The following ATP8B4 variants were observed in gnomAD, a reference collection of about 807,000 sequenced individuals.
The protein encoded by ATP8B4 is ATPase phospholipid transporting 8B4 (putative).
A neutral mutation model predicts 145.6 loss-of-function variants in ATP8B4; 133 were observed. That is an observed-to-expected ratio of 0.91 (90% CI 0.79 to 1.05). The LOEUF (loss-of-function observed/expected upper bound fraction) is 1.05, where lower values mean the gene tolerates loss of function less well. Ranked by LOEUF, ATP8B4 falls within the 50% of genes least tolerant of loss-of-function variation. The pLI is 0.00. For missense variants in ATP8B4, 1,458 were observed against 1,425.2 expected, an observed-to-expected ratio of 1.02 and a Z score of -0.37; for synonymous variants, 507 against 492.9, an observed-to-expected ratio of 1.03 and a Z score of -0.38.
chr15:50,044,005 A>G (rs1036560943), intron 5 of ATP8B4, among the ~76,000 whole-genome samples: 1 of 152,048 alleles, frequency 6.6e-6, no homozygotes. Flanking sequence ...AATATAACAT[A>G]CAAAATATGT....
intron 20 of ATP8B4, among the ~76,000 whole-genome samples, chr15:49,910,426 T>C (rs1056865520): frequency 7.9e-5 from 12 of 152,144 alleles, no homozygotes; most frequent in African/African-American, 2.9e-4. Flanking sequence ...CAAAAGCCTA[T>C]TGATGAAATA....
At chr15:50,056,504 GT>G (rs962724251) in intron 3 of ATP8B4, among the ~76,000 whole-genome samples, 10 of 152,102 alleles carry the variant, frequency 6.6e-5, no homozygotes, top group Non-Finnish European at 1.3e-4. Flanking sequence ...GATTTTCCAG[GT>G]TAATGCAGTA....
chr15:49,987,541 C>T lies in ATP8B4; in HGVS notation c.598G>A (p.Val200Ile). Residue 200 changes from valine to isoleucine, a missense_variant, in exon 10 of 28, where the codon GTC becomes ATC. Physicochemically the swap from Val to Ile is conservative, Grantham distance 29. Transcript: ENST00000284509. ...AACTTGTTGTTAGGCACCTCACAGA[C>T]AACAATCCCTGGAAAATAAAAAAAC... Reference protein sequence around the residue: ...SRLAGFDGIVVCEVPNNKLDK... With the variant: ...SRLAGFDGIVICEVPNNKLDK... 3 of 1,611,620 alleles carry T rather than the reference C, an allele frequency of 1.9e-6. No individual in the cohort carries two copies. The highest frequency in any genetic ancestry group is 2.5e-6 in the Non-Finnish European group (3 of 1,179,126).
chr15:49,921,554 T>C (rs574601092), intron 17 of ATP8B4, among the ~76,000 whole-genome samples: 6 of 152,304 alleles, frequency 3.9e-5, no homozygotes, highest in African/African-American at 7.2e-5. Context: ...CCAGTGGTCA[T>C]TTTATGGGCC....
chr15:50,093,438 A>T (rs933237216), intron 2 of ATP8B4, among the ~76,000 whole-genome samples: 7 of 152,076 alleles, frequency 4.6e-5, no homozygotes, highest in African/African-American at 1.7e-4. Context: ...TATTGTTGAT[A>T]AAGTAGTAAA....
chr15:49,940,348 G>A (rs1188195706), intron 14 of ATP8B4, among the ~76,000 whole-genome samples: 1 of 152,070 alleles, frequency 6.6e-6, no homozygotes, highest in Non-Finnish European at 1.5e-5. Context: ...TAAACATTGG[G>A]TACACATAGT....
intron 2 of ATP8B4, among the ~76,000 whole-genome samples, chr15:50,086,913 T>C (rs376081444): frequency 1.1e-5 from 1 of 94,180 alleles, no homozygotes; most frequent in Non-Finnish European, 1.9e-5. Flanking sequence ...TCTATATTAT[T>C]ATATATAATA....
intron 14 of ATP8B4, among the ~76,000 whole-genome samples, chr15:49,935,018 G>A (rs1257526369): frequency 6.7e-6 from 1 of 150,374 alleles, no homozygotes; most frequent in African/African-American, 2.5e-5. Flanking sequence ...TGATTCTAAA[G>A]TTACAAAAGC....
At chr15:49,912,406 A>G (rs2039322923) in intron 20 of ATP8B4, among the ~76,000 whole-genome samples, 2 of 152,212 alleles carry the variant, frequency 1.3e-5, no homozygotes, top group African/African-American at 4.8e-5. Flanking sequence ...ATGCTAACTA[A>G]CAGGAAAACC....
chr15:49,875,004 C>T (rs1376086356), intron 25 of ATP8B4, among the ~76,000 whole-genome samples: 2 of 152,104 alleles, frequency 1.3e-5, no homozygotes. Context: ...GATGCATGGG[C>T]ATAACAGCAG....
intron 14 of ATP8B4, 45 bp downstream of exon 14, chr15:49,961,932 T>A (rs910037847): frequency 1.4e-6 from 2 of 1,479,830 alleles, no homozygotes; most frequent in Non-Finnish European, 1.8e-6. Flanking sequence ...AAAGTACATA[T>A]AATTTGAAAT....
intron 2 of ATP8B4, among the ~76,000 whole-genome samples, chr15:50,085,335 C>T (rs78468057): frequency 1.1e-4 from 16 of 152,264 alleles, no homozygotes; most frequent in African/African-American, 3.4e-4. Context: ...TCCACTTTAA[C>T]GTTCCTTCCA....
intron 6 of ATP8B4, among the ~76,000 whole-genome samples, chr15:50,014,945 A>G (rs953605367): frequency 1.3e-5 from 2 of 152,206 alleles, no homozygotes; most frequent in Non-Finnish European, 2.9e-5. Context: ...CAGGATATTT[A>G]TTGCAGCATT....
intron 7 of ATP8B4, among the ~76,000 whole-genome samples, chr15:50,004,847 T>C (rs2048188064): frequency 6.6e-6 from 1 of 152,158 alleles, no homozygotes; most frequent in South Asian, 2.1e-4. Context: ...CAAGGATTTG[T>C]ATAGTTTAAT....
chr15:50,173,552 A>G (rs1424780541), intron 1 of ATP8B4, among the ~76,000 whole-genome samples: 3 of 152,176 alleles, frequency 2.0e-5, no homozygotes, highest in African/African-American at 4.8e-5. Context: ...GGACATAAAC[A>G]CTGCGGAAGG....
rs2153367278 is a variant in ATP8B4 at position 49,860,490 on chromosome 15, A to T, written c.3298-15T>A. On this transcript the variant is annotated splice_polypyrimidine_tract_variant and intron_variant, in intron 27 of 27. Coordinates refer to ENST00000284509, the MANE Select transcript of ATP8B4 (RefSeq NM_024837.4). ...CACCGGCGGATCTGGAGAGAAACAG[A>T]CCCAAAGTGAGATGATGCATCCAAA... is the stretch of plus-strand genomic sequence containing the variant. 1.3e-6 allele frequency: 2 copies of T among 1,586,730 alleles called. No individual in the cohort carries two copies. Among genetic ancestry groups the T allele is most frequent in the South Asian group, 2.3e-5 (2 of 86,912 alleles).
At chr15:50,012,438 T>C (rs1052111918) in intron 6 of ATP8B4, among the ~76,000 whole-genome samples, 3 of 152,190 alleles carry the variant, frequency 2.0e-5, no homozygotes, top group African/African-American at 4.8e-5. Context: ...CCAACTTGTA[T>C]AGCACAAGCT....
chr15:49,870,462 C>CT (rs1225334962), intron 25 of ATP8B4, among the ~76,000 whole-genome samples: 1 of 151,980 alleles, frequency 6.6e-6, no homozygotes, highest in East Asian at 1.9e-4. Context: ...TTGAAAAATA[C>CT]TTTTTTAAAA....
At chr15:49,951,146 T>C (rs2043066779) in intron 14 of ATP8B4, among the ~76,000 whole-genome samples, 1 of 152,242 alleles carries the variant, frequency 6.6e-6, no homozygotes, top group Non-Finnish European at 1.5e-5. Context: ...ATAAGTGCCA[T>C]GTGGCACTAA....
Sources: gnomAD v4.1 joint callset for allele counts (sites outside exome capture counted in the v4.1 genomes callset) on GRCh38, gnomAD v4.1.1 for gene constraint, MANE v1.5 for transcripts, NCBI Gene and HGNC (gene_info 2026-07-23, HGNC 2026-07-21) for gene names.